Variants in ROBO4 observed in about 807,000 individuals in gnomAD.
The protein encoded by ROBO4 is roundabout guidance receptor 4.
In ROBO4, 80 loss-of-function variants were observed where a neutral mutation model predicts 103.3. That is an observed-to-expected ratio of 0.77 (90% CI 0.65 to 0.93). The LOEUF is 0.93. ROBO4 is among the 40% of genes least tolerant of loss of function. ROBO4 has a pLI of 0.00. For synonymous variants in ROBO4, 504 were observed against 529.7 expected (o/e 0.95, Z 0.67); for missense variants, 1,333 against 1,305.3 (o/e 1.02, Z -0.33).
In ROBO4 at chr11:124,887,426, A is replaced by G; in HGVS notation, c.2130T>C (p.Val710=). ...PKLLSSSNEL[V]TRHLPPAPLF... ...GGGGTGCTGGAGGGAGATGACGAGT[A>G]ACCAGCTCATTTGAGGAGCTGAGGA... The change falls in exon 14 of 18, where the codon GTT becomes GTC. Residue 710 remains valine, a synonymous_variant. Transcript: ENST00000306534. 1 of 1,614,056 alleles carries G rather than the reference A, an allele frequency of 6.2e-7. No individual in the cohort carries two copies. The highest frequency in any genetic ancestry group is 8.5e-7 in the Non-Finnish European group (1 of 1,179,972).
At position 124,886,454 on chromosome 11, in the gene ROBO4, C is replaced by T. The variant is rs1946713155; in HGVS notation, c.2794+10G>A. The T allele has an allele frequency of 1.2e-6, 2 of 1,602,268 alleles. No individual in the cohort carries two copies. The highest frequency in any genetic ancestry group is 1.3e-5 in the African/African-American group (1 of 74,698). ...ATGAGTGAGGAGTAAGATGGGGAGA[C>T]CTCACATACCTATGAAGACGCAGTC... On this transcript the variant is annotated intron_variant, in intron 16 of 17. Transcript: ENST00000306534.
At position 124,897,017 on chromosome 11, in the gene ROBO4, C is replaced by T; in HGVS notation, c.315G>A (p.Leu105=). ...ATGTGTAGACACCCAGGTCTGTGGA[C>T]AGGGCCTGGCCATCGTGGGCATGTC... ...ARGHAHDGQA[L]STDLGVYTCE... The change falls in exon 2 of 18, where the codon CTG becomes CTA. Residue 105 remains leucine, a synonymous_variant. Transcript: ENST00000306534. The T allele has an allele frequency of 1.2e-6, 2 of 1,614,102 alleles. No homozygotes were observed. Among genetic ancestry groups the T allele is most frequent in the Non-Finnish European group, 1.7e-6 (2 of 1,180,022 alleles).
intron 7 of ROBO4, 129 bp downstream of exon 7, chr11:124,894,952 A>C (rs547318340): frequency 1.4e-6 from 1 of 725,602 alleles, no homozygotes; most frequent in South Asian, 1.8e-5. Flanking sequence ...CTTGCTCAGC[A>C]AAAGCAGGTT....
rs1340806291 is a variant in ROBO4 at position 124,897,051 on chromosome 11, G to A, written c.281C>T (p.Pro94Leu). The A allele has an allele frequency of 7.4e-6, 12 of 1,613,626 alleles. No homozygotes were observed. The highest frequency in any genetic ancestry group is 1.7e-4 in the Middle Eastern group (1 of 6,046). ...PDGTLLLLQPPARGHAHDGQA... is the reference protein window; with the variant it reads ...PDGTLLLLQPLARGHAHDGQA... Reference sequence around the variant, plus strand: ...GCCATCGTGGGCATGTCCCCGGGCAGGGGGCTGTAGCAGCAGAAGGGTCCC... The same window carrying A: ...GCCATCGTGGGCATGTCCCCGGGCAAGGGGCTGTAGCAGCAGAAGGGTCCC... Residue 94 changes from proline to leucine, a missense_variant, in exon 2 of 18, where the codon CCT becomes CTT. By Grantham distance (98) the Pro-to-Leu change is moderately conservative. Transcript: ENST00000306534.
Position 124,895,465 on chromosome 11 carries a change from G to A in ROBO4, c.1028C>T (p.Pro343Leu), listed in dbSNP as rs376523424. Reference protein sequence around the residue: ...PDSNVLLLRLPEKVPSAPPQE... With the variant: ...PDSNVLLLRLLEKVPSAPPQE... ...AGGGATCAGGCCCTGACCTTTTTCC[G>A]GCAGCCTCAGGAGCAGCACGTTGCT... is the stretch of plus-strand genomic sequence containing the variant. The change falls in exon 6 of 18, where the codon CCG (proline) becomes CTG (leucine). Residue 343 changes from proline to leucine, a missense_variant. Coordinates refer to ENST00000306534, the MANE Select transcript of ROBO4 (RefSeq NM_019055.6). 2.0e-5 allele frequency: 32 copies of A among 1,609,282 alleles called. No homozygotes were observed. In the Middle Eastern group the frequency reaches 6.6e-4, roughly 33 times the overall value.
chr11:124,897,124 G>A lies in ROBO4; in HGVS notation c.208C>T (p.Gln70Ter), dbSNP rs752858120. 8 of 1,578,098 alleles carry A rather than the reference G, an allele frequency of 5.1e-6. No homozygotes were observed. The African/African-American group carries it at 9.4e-5, about 19-fold the overall frequency. Residue 70 changes from glutamine (Q) to a stop codon, truncating the protein, a stop_gained, in exon 2 of 18, where the codon CAG (glutamine) becomes TAG (stop). Transcript: ENST00000306534. LOFTEE classifies it high-confidence loss of function. ...PPTIRWLLNG[Q>*]PLSMVPPDPH... Reference sequence around the variant, plus strand: ...TCTGGGGGCACCATGCTCAGGGGCTGCCCATTCAGCAACCAGCGGATGGTG... The same window carrying A: ...TCTGGGGGCACCATGCTCAGGGGCTACCCATTCAGCAACCAGCGGATGGTG...
chr11:124,886,018 G>A lies in ROBO4; in HGVS notation c.2794+446C>T, dbSNP rs774971124. Among the ~76,000 whole-genome samples the A allele has an allele frequency of 1.5e-4, 23 of 152,114 alleles. 1 individual carries two copies. Among genetic ancestry groups the A allele is most frequent in the African/African-American group, 1.9e-4 (8 of 41,492 alleles). On this transcript the variant is annotated intron_variant, in intron 16 of 17. Coordinates refer to ENST00000306534, the MANE Select transcript of ROBO4 (RefSeq NM_019055.6). ...AGCCTGGCCAACATGGTGAAACCCCGTCTCTACTAAAAATACAAAAAAATT... is the reference window on the plus strand; with the variant it reads ...AGCCTGGCCAACATGGTGAAACCCCATCTCTACTAAAAATACAAAAAAATT...
chr11:124,896,017 C>T, intron 4 of ROBO4, 105 bp from the exon 5 acceptor site: 1 of 1,554,350 alleles, frequency 6.4e-7, no homozygotes, highest in Non-Finnish European at 8.7e-7. Context: ...CCCAAACTCC[C>T]AGAGTCTCCA....
intron 1 of ROBO4, 52 bp downstream of exon 1, chr11:124,897,674 T>G: frequency 6.4e-7 from 1 of 1,557,226 alleles, no homozygotes; most frequent in Non-Finnish European, 8.9e-7. Flanking sequence ...CCTTCTGCCC[T>G]GAGCAGGCCT....
At position 124,892,106 on chromosome 11, in the gene ROBO4, A is replaced by G. The variant is rs1946809727; in HGVS notation, c.1548-304T>C. On this transcript the variant is annotated intron_variant, in intron 10 of 17. Transcript: ENST00000306534. ...ACCTGAAGACAAATCTGGTTTGACAATCTCTATCTGTCACAGCTTAGCTTG... is the reference window on the plus strand; with the variant it reads ...ACCTGAAGACAAATCTGGTTTGACAGTCTCTATCTGTCACAGCTTAGCTTG... 6.8e-6 allele frequency: 4 copies of G among 586,408 alleles called. No homozygotes were observed. The East Asian group carries it at 1.2e-4, about 17-fold the overall frequency. 36.3% of individuals were successfully genotyped at this position (586,408 alleles called of 1,614,324 possible). A position where few individuals can be genotyped will look rare whatever the true frequency, so the allele number is the denominator to read the frequency against.
At chr11:124,888,844 T>A (rs560367775) in intron 12 of ROBO4, among the ~76,000 whole-genome samples, 2 of 152,136 alleles carry the variant, frequency 1.3e-5, no homozygotes, top group South Asian at 2.1e-4. Flanking sequence ...GGAGAGAGAT[T>A]TTTCCAGGAG....
chr11:124,892,296 G>A (rs1946812470), intron 10 of ROBO4: 2 of 333,840 alleles, frequency 6.0e-6, no homozygotes, highest in Non-Finnish European at 1.2e-5. Context: ...CTTGCTCCAT[G>A]GATATTGGCC....
At chr11:124,888,887 A>G (rs1441804076) in intron 12 of ROBO4, among the ~76,000 whole-genome samples, 1 of 152,208 alleles carries the variant, frequency 6.6e-6, no homozygotes. Flanking sequence ...CAAAGGAGAA[A>G]AGAAACAGCC....
In ROBO4 at chr11:124,895,256, G is replaced by T. The variant is rs1244237008; in HGVS notation, c.1037-63C>A. On this transcript the variant is annotated intron_variant, in intron 6 of 17. Transcript: ENST00000306534. ...GGAGAGGACTCTAGGGAAAGGAGCT[G>T]GGCTGGGGGACACAGCGTCAGAACC... is the stretch of plus-strand genomic sequence containing the variant. The T allele has an allele frequency of 2.9e-6, 4 of 1,364,720 alleles. 1 individual carries two copies. The South Asian group carries it at 4.7e-5, about 16-fold the overall frequency. 84.5% of individuals were successfully genotyped at this position (1,364,720 alleles called of 1,614,324 possible).
In ROBO4 at chr11:124,886,577, C is replaced by G. The variant is rs757345722; in HGVS notation, c.2681G>C (p.Ser894Thr). ...NAASARASLV[S>T]SSDGSFLADA... ...AGCGAGGAAGGAGCCATCGGAGGAGCTGACAAGGCTGGCTCTGGCGCTGGC... is the reference window on the plus strand; with the variant it reads ...AGCGAGGAAGGAGCCATCGGAGGAGGTGACAAGGCTGGCTCTGGCGCTGGC... The change falls in exon 16 of 18, where the codon AGC becomes ACC. Residue 894 changes from serine (S) to threonine (T), a missense_variant. Physicochemically the swap from Ser to Thr is moderately conservative, Grantham distance 58 (BLOSUM62 1). Transcript: ENST00000306534. The G allele has an allele frequency of 6.2e-7, 1 of 1,614,218 alleles. No individual in the cohort carries two copies. The highest frequency in any genetic ancestry group is 2.2e-5 in the East Asian group (1 of 44,882).
At chr11:124,895,283 T>C in intron 6 of ROBO4, 90 bp from the exon 7 acceptor site, 1 of 1,205,970 alleles carries the variant, frequency 8.3e-7, no homozygotes, top group Non-Finnish European at 1.2e-6. Context: ...GTCAGAACCC[T>C]ACTGAAGAGA....
In ROBO4 at chr11:124,885,119, C is replaced by G. The variant is rs763426409; in HGVS notation, c.2923G>C (p.Gly975Arg). The stretch of plus-strand genomic sequence containing the variant: ...GAGTCAGGGGGCCAGGGAGGCATCC[C>G]CCTTCCCAGCCGCTGGGTGTGGCTG... ...EVSHTQRLGR[G>R]MPPWPPDSQI... Residue 975 changes from glycine (G) to arginine (R), a missense_variant, in exon 17 of 18, where the codon GGG becomes CGG. Physicochemically the swap from Gly to Arg is moderately radical, Grantham distance 125 (BLOSUM62 -2). Coordinates refer to ENST00000306534, the MANE Select transcript of ROBO4 (RefSeq NM_019055.6). The G allele has an allele frequency of 6.2e-7, 1 of 1,614,110 alleles. No homozygotes were observed. Among genetic ancestry groups the G allele is most frequent in the Admixed American group, 1.7e-5 (1 of 60,018 alleles).
chr11:124,885,004 C>T, intron 17 of ROBO4, 37 bp downstream of exon 17: 1 of 1,613,580 alleles, frequency 6.2e-7, no homozygotes, highest in African/African-American at 1.3e-5. Context: ...GCCCTCTGGT[C>T]AAGATGAACA....
chr11:124,886,119 A>G (rs1421920284), intron 16 of ROBO4, among the ~76,000 whole-genome samples: 1 of 152,218 alleles, frequency 6.6e-6, no homozygotes, highest in Non-Finnish European at 1.5e-5. Context: ...TGAACCTGGG[A>G]GGCAGAGGTT....
Sources: allele counts gnomAD v4.1 joint callset (sites outside exome capture counted in the v4.1 genomes callset), GRCh38; gene constraint gnomAD v4.1.1; transcripts MANE v1.5; gene names NCBI Gene and HGNC (gene_info 2026-07-23, HGNC 2026-07-21).